ITPRID1: variants seen among roughly 807,000 people sequenced by gnomAD.
ITPRID1 encodes protein ITPRID1.
Under a neutral mutation model 95.4 loss-of-function variants are expected in ITPRID1, and 96 were observed. The observed-to-expected ratio is 1.01, with a 90% CI of 0.85 to 1.19. The LOEUF (loss-of-function observed/expected upper bound fraction) is 1.19, where lower values mean the gene tolerates loss of function less well. Among genes scored for constraint, ITPRID1 ranks in the 50% most tolerant of loss-of-function variants. The pLI is 0.00. For missense variants in ITPRID1, 1,339 were observed against 1,252.9 expected (o/e 1.07, Z -1.04); for synonymous variants, 510 against 453.6 (o/e 1.12, Z -1.58).
chr7:31,550,529 C>G (rs1784251056), intron 2 of ITPRID1, among the ~76,000 whole-genome samples: 1 of 152,120 alleles, frequency 6.6e-6, no homozygotes, highest in Non-Finnish European at 1.5e-5. Flanking sequence ...GATCTGTGTC[C>G]CTTTCCGAAG....
chr7:31,556,732 C>T (rs1307000539), intron 5 of ITPRID1, among the ~76,000 whole-genome samples: 1 of 152,086 alleles, frequency 6.6e-6, no homozygotes, highest in Non-Finnish European at 1.5e-5. Context: ...AGGGAAAATC[C>T]TGTCAAAACT....
chr7:31,524,741 T>A (rs1469726287), intron 1 of ITPRID1, among the ~76,000 whole-genome samples: 1 of 152,172 alleles, frequency 6.6e-6, no homozygotes. Context: ...TTCTAAAAAA[T>A]TTTATTCACC....
chr7:31,614,141 G>A (rs1283302038), intron 10 of ITPRID1, among the ~76,000 whole-genome samples: 1 of 152,104 alleles, frequency 6.6e-6, no homozygotes, highest in Non-Finnish European at 1.5e-5. Flanking sequence ...CAGATATTAC[G>A]GAGTCTTAGA....
intron 10 of ITPRID1, among the ~76,000 whole-genome samples, chr7:31,614,123 C>A (rs2128166138): frequency 6.6e-6 from 1 of 152,308 alleles, no homozygotes; most frequent in East Asian, 1.9e-4. Context: ...ACACAATGTT[C>A]TTTACCCCAG....
intron 10 of ITPRID1, among the ~76,000 whole-genome samples, chr7:31,584,163 A>G (rs1211216618): frequency 6.6e-6 from 1 of 152,242 alleles, no homozygotes; most frequent in Non-Finnish European, 1.5e-5. Context: ...GAACTAGCCC[A>G]GCAAAATACA....
Position 31,520,564 on chromosome 7 carries a change from TGA to T in ITPRID1, c.-98+6460_-98+6461del, listed in dbSNP as rs61620751. Among the ~76,000 whole-genome samples the T allele has an allele frequency of 2.3e-3, 124 of 54,926 alleles. 1 individual carries two copies. Among genetic ancestry groups the T allele is most frequent in the East Asian group, 6.7e-3 (6 of 890 alleles). The allele number at this position is 54,926 out of a possible 152,430, so 36.0% of individuals were successfully genotyped here. On this transcript the variant is annotated intron_variant, in intron 1 of 14. Transcript: ENST00000615280. ...GTGTGTGTGTGTGTGTGTGTGTGTG[TGA>T]GAGAGAGAGAGAGAGTTTGGCACTT...
chr7:31,658,401 CT>C, downstream of ITPRID1: 1 of 1,484,842 alleles, frequency 6.7e-7, no homozygotes, highest in Non-Finnish European at 8.9e-7. Context: ...AATTGTTTTT[CT>C]TTGTTGAGAA....
chr7:31,624,736 C>T (rs1345791189), intron 10 of ITPRID1, among the ~76,000 whole-genome samples: 1 of 151,216 alleles, frequency 6.6e-6, no homozygotes, highest in African/African-American at 2.4e-5. Flanking sequence ...TCTAAAACAC[C>T]AAAAGCAATG....
At chr7:31,530,257 C>T (rs1262787141) in intron 1 of ITPRID1, among the ~76,000 whole-genome samples, 3 of 151,918 alleles carry the variant, frequency 2.0e-5, no homozygotes, top group African/African-American at 7.3e-5. Context: ...CTTTTTTTGT[C>T]TTTCTTGCTT....
At position 31,553,489 on chromosome 7, in the gene ITPRID1, A is replaced by G. The variant is rs899393787; in HGVS notation, c.163+302A>G. Reference sequence around the variant, plus strand: ...CTTTGAAGCTGTGTGGGGTCTGGGCATGAGGCTTCTTTCAGGTCATCAAAC... The same window carrying G: ...CTTTGAAGCTGTGTGGGGTCTGGGCGTGAGGCTTCTTTCAGGTCATCAAAC... On this transcript the variant is annotated intron_variant, in intron 3 of 14. Transcript: ENST00000615280. Among the ~76,000 whole-genome samples, 3 of 152,202 alleles carry G rather than the reference A, an allele frequency of 2.0e-5. No homozygotes were observed. The East Asian group carries it at 5.8e-4, about 29-fold the overall frequency.
intron 10 of ITPRID1, among the ~76,000 whole-genome samples, chr7:31,620,927 T>G (rs1354030512): frequency 6.6e-6 from 1 of 151,964 alleles, no homozygotes; most frequent in Non-Finnish European, 1.5e-5. Context: ...CTGATGGAGC[T>G]GAAAGCCAAG....
intron 10 of ITPRID1, among the ~76,000 whole-genome samples, chr7:31,595,031 AT>A (rs1786023059): frequency 6.6e-6 from 1 of 150,974 alleles, no homozygotes; most frequent in Non-Finnish European, 1.5e-5. Flanking sequence ...TTATTAAAAT[AT>A]CTAACAACAT....
At chr7:31,568,937 A>G (rs1784890908) in intron 5 of ITPRID1, among the ~76,000 whole-genome samples, 1 of 152,240 alleles carries the variant, frequency 6.6e-6, no homozygotes, top group Admixed American at 6.5e-5. Context: ...AATCTCTCTC[A>G]GCCTCAGTTT....
chr7:31,623,799 G>A (rs535646883), intron 10 of ITPRID1, among the ~76,000 whole-genome samples: 5 of 152,010 alleles, frequency 3.3e-5, no homozygotes, highest in African/African-American at 1.2e-4. Context: ...GGAAATAAAG[G>A]GTATTCAATT....
At chr7:31,626,635 T>C (rs1486127886) in intron 10 of ITPRID1, among the ~76,000 whole-genome samples, 1 of 152,224 alleles carries the variant, frequency 6.6e-6, no homozygotes, top group East Asian at 1.9e-4. Flanking sequence ...TTTTGACATG[T>C]CGGTGACACC....
intron 1 of ITPRID1, among the ~76,000 whole-genome samples, chr7:31,540,751 T>C (rs1013556792): frequency 2.6e-5 from 4 of 152,176 alleles, no homozygotes; most frequent in Non-Finnish European, 5.9e-5. Context: ...TACCTATAAG[T>C]TGGGTGAATT....
At chr7:31,619,038 C>G (rs766532475) in intron 10 of ITPRID1, among the ~76,000 whole-genome samples, 16 of 152,222 alleles carry the variant, frequency 1.1e-4, no homozygotes, top group Non-Finnish European at 1.2e-4. Flanking sequence ...TCTCTGCTCT[C>G]TTCCCTGATT....
intron 5 of ITPRID1, among the ~76,000 whole-genome samples, chr7:31,564,242 C>A (rs1158431595): frequency 6.6e-6 from 1 of 152,102 alleles, no homozygotes; most frequent in Non-Finnish European, 1.5e-5. Context: ...AGAAGTCCAC[C>A]TAACAGTGGG....
intron 1 of ITPRID1, among the ~76,000 whole-genome samples, chr7:31,521,548 A>T (rs530845945): frequency 6.6e-6 from 1 of 152,234 alleles, no homozygotes; most frequent in South Asian, 2.1e-4. Flanking sequence ...TATGTAGATT[A>T]TCTCTGAGAC....
Sources: allele counts gnomAD v4.1 joint callset (sites outside exome capture counted in the v4.1 genomes callset), GRCh38; gene constraint gnomAD v4.1.1; transcripts MANE v1.5; gene names NCBI Gene and HGNC (gene_info 2026-07-23, HGNC 2026-07-21).